Variants in LRBA observed in about 807,000 individuals in gnomAD.
LRBA encodes the protein LPS responsive beige-like anchor protein.
Under a neutral mutation model 330.0 loss-of-function variants are expected in LRBA, and 176 were observed. The ratio of observed to expected loss-of-function variants is 0.53; its 90% CI spans 0.47 to 0.60. The LOEUF is 0.60. Ranked by LOEUF, LRBA falls within the 20% of genes least tolerant of loss-of-function variation. The pLI is 0.00. For missense variants in LRBA, 3,259 were observed against 3,444.8 expected (o/e 0.95, Z 1.35); for synonymous variants, 1,230 against 1,193.0 (o/e 1.03, Z -0.64).
intron 40 of LRBA, among the ~76,000 whole-genome samples, chr4:150,586,447 T>G (rs147757177): frequency 2.0e-5 from 3 of 152,166 alleles, no homozygotes. Context: ...TGTCCTCATT[T>G]ACAGAACACC....
intron 17 of LRBA, among the ~76,000 whole-genome samples, chr4:150,882,975 G>T (rs1267945775): frequency 6.6e-6 from 1 of 152,114 alleles, no homozygotes; most frequent in Non-Finnish European, 1.5e-5. Flanking sequence ...AAATTAAATT[G>T]TCATTCCAAT....
intron 40 of LRBA, among the ~76,000 whole-genome samples, chr4:150,549,521 C>A (rs1468975385): frequency 6.6e-6 from 1 of 151,970 alleles, no homozygotes; most frequent in Non-Finnish European, 1.5e-5. Context: ...TTAGTAGAGA[C>A]AGGGTTTCAC....
At chr4:150,796,800 T>C (rs1291198682) in intron 34 of LRBA, among the ~76,000 whole-genome samples, 1 of 151,924 alleles carries the variant, frequency 6.6e-6, no homozygotes, top group Admixed American at 6.6e-5. Context: ...TAAGGAAACA[T>C]CCAAAACCAT....
intron 14 of LRBA, among the ~76,000 whole-genome samples, chr4:150,899,468 T>A (rs1482499850): frequency 1.3e-5 from 2 of 152,184 alleles, no homozygotes; most frequent in East Asian, 3.8e-4. Flanking sequence ...TGTAAGCCAG[T>A]TCCAAGGAGA....
chr4:150,350,603 C>T (rs529892528), intron 47 of LRBA, among the ~76,000 whole-genome samples: 1 of 151,858 alleles, frequency 6.6e-6, no homozygotes, highest in South Asian at 2.1e-4. Context: ...ATCTGATGTC[C>T]TAGTTTCTAC....
At chr4:150,701,009 C>T (rs886652487) in intron 36 of LRBA, among the ~76,000 whole-genome samples, 13 of 152,316 alleles carry the variant, frequency 8.5e-5, no homozygotes, top group African/African-American at 2.9e-4. Flanking sequence ...ATCCTCCCAC[C>T]TTGACCAAAG....
chr4:150,356,698 A>T (rs1215373003), intron 47 of LRBA, among the ~76,000 whole-genome samples: 1 of 151,988 alleles, frequency 6.6e-6, no homozygotes, highest in African/African-American at 2.4e-5. Context: ...CATCAATTTC[A>T]CTAATTTAAA....
intron 2 of LRBA, among the ~76,000 whole-genome samples, chr4:150,945,634 T>C (rs1299641144): frequency 4.6e-5 from 7 of 152,164 alleles, no homozygotes; most frequent in African/African-American, 1.2e-4. Flanking sequence ...ATAATTGTAT[T>C]ATCAAGTATA....
intron 40 of LRBA, among the ~76,000 whole-genome samples, chr4:150,566,293 TTAAGTA>T (rs1405838347): frequency 2.0e-5 from 3 of 152,204 alleles, no homozygotes; most frequent in East Asian, 3.9e-4. Context: ...TTGAAATACT[TTAAGTA>T]TAACTAATTT....
Position 150,341,360 on chromosome 4 carries a change from G to T in LRBA, c.7362+8632C>A, listed in dbSNP as rs532188981. ...GTATTTTAATTTTTTTAGGAACAGG[G>T]TCTCACTATGTTGCCCAGGCTGGTC... is the stretch of plus-strand genomic sequence containing the variant. On this transcript the variant is annotated intron_variant, in intron 48 of 56. Transcript: ENST00000651943. 4.6e-5 allele frequency among the ~76,000 whole-genome samples: 7 copies of T among 152,066 alleles called. No individual in the cohort carries two copies. The South Asian group carries it at 1.5e-3, about 32-fold the overall frequency.
rs75636793 is a variant in LRBA, at chr4:150,533,479, A to ATT, written c.6331-42446_6331-42445dup. ...GAGCCATCATGCCCAGCCAAAACCC[A>ATT]TTTTTTTTTAATTATTGGGAAAGAT... On this transcript the variant is annotated intron_variant, in intron 40 of 56. Transcript: ENST00000651943. Among the ~76,000 whole-genome samples, 40 of 151,072 alleles carry ATT rather than the reference A, an allele frequency of 2.6e-4. 1 individual carries two copies. The highest frequency in any genetic ancestry group is 6.3e-4 in the South Asian group (3 of 4,772).
At chr4:150,591,009 C>T in intron 38 of LRBA, 150 bp from the exon 39 acceptor site, 1 of 662,672 alleles carries the variant, frequency 1.5e-6, no homozygotes, top group Non-Finnish European at 2.5e-6. Context: ...TGGGATGGCA[C>T]ACATGCCTGA....
intron 37 of LRBA, among the ~76,000 whole-genome samples, chr4:150,620,570 C>T (rs1776194732): frequency 6.6e-6 from 1 of 151,982 alleles, no homozygotes; most frequent in South Asian, 2.1e-4. Flanking sequence ...GCCCATCGAA[C>T]AATGAATGGA....
rs537747724 is a variant in LRBA at position 150,638,146 on chromosome 4, C to T, written c.5922-39015G>A. Among the ~76,000 whole-genome samples the T allele has an allele frequency of 1.5e-3, 233 of 151,846 alleles. 1 individual carries two copies. The highest frequency in any genetic ancestry group is 5.3e-3 in the African/African-American group (220 of 41,424). On this transcript the variant is annotated intron_variant, in intron 37 of 56. Transcript: ENST00000651943. ...TCCTGGGTTCAAGCAATTCTCCTGCCTCAGCCTCCCGAAAAGCTGGGATTA... is the reference window on the plus strand; with the variant it reads ...TCCTGGGTTCAAGCAATTCTCCTGCTTCAGCCTCCCGAAAAGCTGGGATTA...
chr4:150,500,983 A>G (rs915654740), intron 40 of LRBA, among the ~76,000 whole-genome samples: 2 of 152,218 alleles, frequency 1.3e-5, no homozygotes, highest in Admixed American at 6.5e-5. Flanking sequence ...ATAAATGAAT[A>G]GTACAGATTT....
intron 40 of LRBA, among the ~76,000 whole-genome samples, chr4:150,500,591 T>C (rs752083343): frequency 2.6e-5 from 4 of 151,880 alleles, no homozygotes; most frequent in Non-Finnish European, 5.9e-5. Context: ...AATAAATAAA[T>C]AAATAAATAA....
chr4:150,804,365 T>C (rs1191147931), intron 33 of LRBA, among the ~76,000 whole-genome samples: 1 of 152,192 alleles, frequency 6.6e-6, no homozygotes, highest in Non-Finnish European at 1.5e-5. Flanking sequence ...ATAGAAGAGA[T>C]GAAATTCCTA....
At position 150,852,211 on chromosome 4, in the gene LRBA, T is replaced by C. The variant is rs146297781; in HGVS notation, c.3499A>G (p.Thr1167Ala). 343 of 1,614,138 alleles carry C rather than the reference T, an allele frequency of 2.1e-4. No homozygotes were observed. In the Middle Eastern group the frequency reaches 3.5e-3, roughly 16 times the overall value. ...QEGKPVTEKQ[T>A]DTETQDSKDS... ...TTAGAATCTTGAGTTTCAGTATCAG[T>C]TTGCTTTTCAGTAACAGGTTTTCCT... is the stretch of plus-strand genomic sequence containing the variant. The change falls in exon 23 of 57, where the codon ACT becomes GCT. Residue 1167 changes from threonine (T) to alanine (A), a missense_variant. By Grantham distance (58) the Thr-to-Ala change is moderately conservative. Coordinates refer to ENST00000651943, the MANE Select transcript of LRBA (RefSeq NM_001364905.1).
intron 37 of LRBA, among the ~76,000 whole-genome samples, chr4:150,675,709 C>T (rs1782469986): frequency 6.6e-6 from 1 of 151,840 alleles, no homozygotes; most frequent in South Asian, 2.1e-4. Flanking sequence ...CAAAGCGAGG[C>T]TCCGTCTCAA....
Sources: allele counts gnomAD v4.1 joint callset (sites outside exome capture counted in the v4.1 genomes callset), GRCh38; gene constraint gnomAD v4.1.1; transcripts MANE v1.5; gene names NCBI Gene and HGNC (gene_info 2026-07-23, HGNC 2026-07-21).